The following FSTL5 variants were observed in gnomAD, a reference collection of about 807,000 sequenced individuals.
FSTL5 encodes the protein follistatin like 5.
In FSTL5, 62 loss-of-function variants were observed where a neutral mutation model predicts 89.1. That is an observed-to-expected ratio of 0.70 (90% CI 0.57 to 0.86). The LOEUF (loss-of-function observed/expected upper bound fraction) is 0.86. FSTL5 is among the 40% of genes least tolerant of loss of function. The probability of loss-of-function intolerance (pLI) is 0.00; values close to 1 mark genes in which losing one functional copy is unlikely to be tolerated. For synonymous variants in FSTL5, 383 were observed against 346.2 expected, an observed-to-expected ratio of 1.11 and a Z score of -1.18; for missense variants, 1,057 against 1,001.6, an observed-to-expected ratio of 1.06 and a Z score of -0.75.
At chr4:162,059,955 T>C (rs147837201) in intron 2 of FSTL5, among the ~76,000 whole-genome samples, 1 of 152,300 alleles carries the variant, frequency 6.6e-6, no homozygotes, top group East Asian at 1.9e-4. Flanking sequence ...GTTAAACTGC[T>C]GACTTGGATT....
At chr4:161,843,886 C>A (rs12646977) in intron 4 of FSTL5, among the ~76,000 whole-genome samples, 4,804 of 152,200 alleles carry the variant, frequency 0.032, 153 homozygotes, top group East Asian at 0.14. Context: ...CAGGCACTGG[C>A]AAAGACTTCA....
At chr4:161,683,975 C>T (rs961244854) in intron 6 of FSTL5, among the ~76,000 whole-genome samples, 3 of 152,200 alleles carry the variant, frequency 2.0e-5, no homozygotes, top group African/African-American at 7.2e-5. Flanking sequence ...TTAGCTCCCA[C>T]TTATGAGTGA....
At chr4:162,071,524 T>A (rs941383046) in intron 2 of FSTL5, among the ~76,000 whole-genome samples, 1 of 151,764 alleles carries the variant, frequency 6.6e-6, no homozygotes, top group Non-Finnish European at 1.5e-5. Flanking sequence ...AAGGAAGGAA[T>A]AGACTCCAAT....
At chr4:161,651,215 T>C (rs541174836) in intron 7 of FSTL5, among the ~76,000 whole-genome samples, 1 of 151,544 alleles carries the variant, frequency 6.6e-6, no homozygotes, top group Non-Finnish European at 1.5e-5. Context: ...AGGACACAGA[T>C]ACAGGCAGAT....
Position 161,616,050 on chromosome 4 carries a change from T to C in FSTL5, c.895-28475A>G, listed in dbSNP as rs889350074. 2.0e-5 allele frequency among the ~76,000 whole-genome samples: 3 copies of C among 151,884 alleles called. No homozygotes were observed. In the East Asian group the frequency reaches 5.8e-4, roughly 29 times the overall value. On this transcript the variant is annotated intron_variant, in intron 7 of 15. Transcript: ENST00000306100. ...ATTTACAAAAGAGCAACACTTGCTC[T>C]TTCTTTTCTGAGTGTTTTTTTTTTC...
chr4:161,650,488 C>T (rs1736299821), intron 7 of FSTL5, among the ~76,000 whole-genome samples: 1 of 152,072 alleles, frequency 6.6e-6, no homozygotes, highest in Admixed American at 6.6e-5. Flanking sequence ...AGCAACCCTA[C>T]CTGTAGAGTG....
At chr4:161,424,285 G>A (rs1031931158) in intron 15 of FSTL5, among the ~76,000 whole-genome samples, 2 of 151,674 alleles carry the variant, frequency 1.3e-5, no homozygotes, top group Non-Finnish European at 2.9e-5. Flanking sequence ...AACTCTTGAA[G>A]TGGTTTTAAT....
intron 8 of FSTL5, among the ~76,000 whole-genome samples, chr4:161,564,851 G>A (rs1732743024): frequency 6.6e-6 from 1 of 151,492 alleles, no homozygotes; most frequent in African/African-American, 2.4e-5. Flanking sequence ...AAATTCACTG[G>A]TGTTAAATCA....
chr4:161,710,429 G>A lies in FSTL5; in HGVS notation c.727+48982C>T, dbSNP rs111627816. Among the ~76,000 whole-genome samples, 561 of 152,260 alleles carry A rather than the reference G, an allele frequency of 3.7e-3. 5 individuals are homozygous for A. Among genetic ancestry groups the A allele is most frequent in the African/African-American group, 0.012 (519 of 41,568 alleles). On this transcript the variant is annotated intron_variant, in intron 6 of 15. Coordinates refer to ENST00000306100, the MANE Select transcript of FSTL5 (RefSeq NM_020116.5). Reference sequence around the variant, plus strand: ...GGAAGAATTGCTTTCTACAAGGCAGGTCAGGACGAGATCTGGTTTGGCTTT... The same window carrying A: ...GGAAGAATTGCTTTCTACAAGGCAGATCAGGACGAGATCTGGTTTGGCTTT...
chr4:161,455,225 T>C (rs927740252), intron 14 of FSTL5, 97 bp from the exon 15 acceptor site: 1 of 992,210 alleles, frequency 1.0e-6, no homozygotes, highest in Non-Finnish European at 1.4e-6. Flanking sequence ...TTTCTGGCAG[T>C]TGTTTGCATA....
Position 161,396,265 on chromosome 4 carries a change from T to G in FSTL5, c.1842-9816A>C, listed in dbSNP as rs538852195. ...AAATGTGGTGGGCCACACTATAGAT[T>G]TCTATGGATGATTATAAAGCAGTAG... On this transcript the variant is annotated intron_variant, in intron 15 of 15. Coordinates refer to ENST00000306100, the MANE Select transcript of FSTL5 (RefSeq NM_020116.5). 3.3e-5 allele frequency among the ~76,000 whole-genome samples: 5 copies of G among 152,094 alleles called. No homozygotes were observed. In the East Asian group the frequency reaches 9.6e-4, roughly 29 times the overall value.
chr4:161,814,667 C>T (rs909476300), intron 4 of FSTL5, among the ~76,000 whole-genome samples: 1 of 152,054 alleles, frequency 6.6e-6, no homozygotes, highest in Non-Finnish European at 1.5e-5. Context: ...ATGTTTCAAT[C>T]TCTGGATTAA....
rs1183341663 is a variant in FSTL5 at position 161,390,863 on chromosome 4, T to C, written c.1842-4414A>G. On this transcript the variant is annotated intron_variant, in intron 15 of 15. Transcript: ENST00000306100. ...TCATCTCAACAGTTCTTCTCACTAC[T>C]GACTTTCAATGTTTACCCACTGAGG... is the stretch of plus-strand genomic sequence containing the variant. 3.3e-5 allele frequency among the ~76,000 whole-genome samples: 5 copies of C among 152,276 alleles called. No individual in the cohort carries two copies. The East Asian group carries it at 5.8e-4, about 18-fold the overall frequency.
At chr4:161,609,162 G>T (rs1734556199) in intron 7 of FSTL5, among the ~76,000 whole-genome samples, 1 of 151,984 alleles carries the variant, frequency 6.6e-6, no homozygotes, top group Non-Finnish European at 1.5e-5. Context: ...ACAATGCCTG[G>T]CACATACACA....
chr4:161,438,351 T>C (rs545711904), intron 15 of FSTL5, among the ~76,000 whole-genome samples: 1 of 152,234 alleles, frequency 6.6e-6, no homozygotes, highest in East Asian at 1.9e-4. Context: ...TTTATGTGCT[T>C]CATGTACTAG....
chr4:162,143,486 T>C (rs1293921841), intron 1 of FSTL5, among the ~76,000 whole-genome samples: 1 of 152,168 alleles, frequency 6.6e-6, no homozygotes, highest in Non-Finnish European at 1.5e-5. Flanking sequence ...TGAACACCAT[T>C]GTTAATGCTC....
chr4:162,097,867 G>T (rs1158434301), intron 2 of FSTL5, among the ~76,000 whole-genome samples: 1 of 151,890 alleles, frequency 6.6e-6, no homozygotes, highest in Non-Finnish European at 1.5e-5. Context: ...TTGCTGTTGG[G>T]AATGGAAAAT....
chr4:161,915,982 A>G (rs1037355852), intron 4 of FSTL5, among the ~76,000 whole-genome samples: 6 of 152,060 alleles, frequency 3.9e-5, no homozygotes, highest in Admixed American at 6.6e-5. Flanking sequence ...CCAGTTTTTT[A>G]GCCTAAATTC....
intron 4 of FSTL5, among the ~76,000 whole-genome samples, chr4:161,877,719 G>C (rs1428589095): frequency 6.6e-6 from 1 of 151,910 alleles, no homozygotes; most frequent in South Asian, 2.1e-4. Context: ...CCAGCTACTC[G>C]GGAGGCTGAG....
Sources: gnomAD v4.1 joint callset for allele counts (sites outside exome capture counted in the v4.1 genomes callset) on GRCh38, gnomAD v4.1.1 for gene constraint, MANE v1.5 for transcripts, NCBI Gene and HGNC (gene_info 2026-07-23, HGNC 2026-07-21) for gene names.